TMEM135: variants seen among roughly 807,000 people sequenced by gnomAD.
TMEM135 encodes the protein transmembrane protein 135.
Under a neutral mutation model 60.3 loss-of-function variants are expected in TMEM135, and 30 were observed. The ratio of observed to expected loss-of-function variants is 0.50; its 90% CI spans 0.37 to 0.68. The LOEUF (loss-of-function observed/expected upper bound fraction) is 0.68. Ranked by LOEUF, TMEM135 falls within the 30% of genes least tolerant of loss-of-function variation. The pLI is 0.00. For synonymous variants in TMEM135, 190 were observed against 186.7 expected (o/e 1.02, Z -0.14); for missense variants, 468 against 548.8 (o/e 0.85, Z 1.47).
intron 6 of TMEM135, among the ~76,000 whole-genome samples, chr11:87,274,929 C>G (rs1337645687): frequency 6.6e-6 from 1 of 150,488 alleles, no homozygotes; most frequent in Non-Finnish European, 1.5e-5. Context: ...TTCTGAAGAA[C>G]TCTTTTTTCC....
At chr11:87,243,583 G>A (rs1344615634) in intron 6 of TMEM135, among the ~76,000 whole-genome samples, 5 of 82,778 alleles carry the variant, frequency 6.0e-5, no homozygotes, top group Middle Eastern at 0.012. Context: ...CTTGTAAGTT[G>A]GATTCCTAGG....
At chr11:87,305,387 G>A (rs1942521187) in intron 8 of TMEM135, among the ~76,000 whole-genome samples, 1 of 152,078 alleles carries the variant, frequency 6.6e-6, no homozygotes, top group Non-Finnish European at 1.5e-5. Flanking sequence ...TTTATACAAT[G>A]TGTCAAATGG....
At chr11:87,064,680 C>T (rs1368604158) in intron 1 of TMEM135, among the ~76,000 whole-genome samples, 1 of 152,150 alleles carries the variant, frequency 6.6e-6, no homozygotes, top group African/African-American at 2.4e-5. Context: ...ATCAGGAGTT[C>T]GAGACCAGCC....
intron 9 of TMEM135, among the ~76,000 whole-genome samples, 171 bp downstream of exon 9, chr11:87,306,176 G>A (rs1942539515): frequency 6.6e-6 from 1 of 152,120 alleles, no homozygotes; most frequent in Non-Finnish European, 1.5e-5. Flanking sequence ...TGACGATTTA[G>A]CTTTTAGTAT....
At chr11:87,202,480 C>A (rs995787679) in intron 5 of TMEM135, among the ~76,000 whole-genome samples, 1 of 152,058 alleles carries the variant, frequency 6.6e-6, no homozygotes, top group African/African-American at 2.4e-5. Flanking sequence ...CATGCCCTAC[C>A]GTGTCCGGTT....
At chr11:87,262,832 C>T (rs938308922) in intron 6 of TMEM135, among the ~76,000 whole-genome samples, 46 of 130,928 alleles carry the variant, frequency 3.5e-4, no homozygotes, top group African/African-American at 1.2e-3. Context: ...TTAACATTGT[C>T]TACAAAATAT....
chr11:87,166,844 A>G (rs1221275821), intron 5 of TMEM135, among the ~76,000 whole-genome samples: 2 of 152,032 alleles, frequency 1.3e-5, no homozygotes, highest in African/African-American at 4.8e-5. Flanking sequence ...CTGTGAAGAA[A>G]GTCAATGGTA....
At chr11:87,114,434 TA>T (rs758803955) in intron 4 of TMEM135, among the ~76,000 whole-genome samples, 7 of 152,102 alleles carry the variant, frequency 4.6e-5, no homozygotes, top group African/African-American at 7.2e-5. Context: ...GAAAAACAAT[TA>T]CAAGCTCCGT....
intron 1 of TMEM135, among the ~76,000 whole-genome samples, chr11:87,039,802 C>T (rs928872151): frequency 6.6e-5 from 10 of 152,208 alleles, no homozygotes; most frequent in African/African-American, 1.9e-4. Context: ...AAATCCATAG[C>T]ACTTTTCATT....
intron 5 of TMEM135, among the ~76,000 whole-genome samples, chr11:87,195,375 TTCCTTCCTTC>T (rs1939921271): frequency 9.1e-6 from 1 of 109,636 alleles, no homozygotes; most frequent in Non-Finnish European, 2.0e-5. Flanking sequence ...CCTTCCTTCC[TTCCTTCCTTC>T]CTTCCTTCTC....
chr11:87,286,877 A>G (rs752380931), intron 6 of TMEM135, among the ~76,000 whole-genome samples: 7 of 152,210 alleles, frequency 4.6e-5, no homozygotes, highest in Non-Finnish European at 7.3e-5. Context: ...TAACTCCAAC[A>G]TAAATGTTTA....
intron 4 of TMEM135, among the ~76,000 whole-genome samples, chr11:87,111,263 G>A (rs1457399244): frequency 6.6e-6 from 1 of 151,994 alleles, no homozygotes; most frequent in African/African-American, 2.4e-5. Flanking sequence ...ACATCTTTTA[G>A]TTATTTAATA....
intron 4 of TMEM135, among the ~76,000 whole-genome samples, chr11:87,143,089 C>G (rs1938310157): frequency 6.6e-6 from 1 of 152,016 alleles, no homozygotes; most frequent in African/African-American, 2.4e-5. Flanking sequence ...GCCATCTCAA[C>G]TATTCTGTTG....
chr11:87,043,978 C>G (rs915655365), intron 1 of TMEM135, among the ~76,000 whole-genome samples: 2 of 152,076 alleles, frequency 1.3e-5, no homozygotes, highest in South Asian at 4.1e-4. Context: ...GATTAAGGTA[C>G]TGGCATTTAC....
chr11:87,251,351 G>A (rs750317785), intron 6 of TMEM135, among the ~76,000 whole-genome samples: 136 of 152,252 alleles, frequency 8.9e-4, no homozygotes, highest in Non-Finnish European at 1.5e-3. Context: ...GTAAAGCAGA[G>A]GCCAGAGTAG....
At chr11:87,256,044 A>G (rs1399677496) in intron 6 of TMEM135, among the ~76,000 whole-genome samples, 1 of 152,198 alleles carries the variant, frequency 6.6e-6, no homozygotes, top group African/African-American at 2.4e-5. Flanking sequence ...CATTGACCTC[A>G]AGACCTGCCT....
At chr11:87,057,964 G>A (rs1262585729) in intron 1 of TMEM135, among the ~76,000 whole-genome samples, 1 of 152,164 alleles carries the variant, frequency 6.6e-6, no homozygotes, top group Non-Finnish European at 1.5e-5. Flanking sequence ...AGAGGACAAT[G>A]GTGTAAGTTC....
At chr11:87,137,091 A>G (rs188702797) in intron 4 of TMEM135, among the ~76,000 whole-genome samples, 4 of 152,182 alleles carry the variant, frequency 2.6e-5, no homozygotes, top group Admixed American at 1.3e-4. Flanking sequence ...ATCTGTGACT[A>G]TAGTTACGGA....
At chr11:87,060,193 T>C (rs1949933238) in intron 1 of TMEM135, among the ~76,000 whole-genome samples, 1 of 152,248 alleles carries the variant, frequency 6.6e-6, no homozygotes, top group Admixed American at 6.5e-5. Flanking sequence ...CTGGTTGTTG[T>C]CCAGTCTCTG....
Sources: gnomAD v4.1 joint callset for allele counts (sites outside exome capture counted in the v4.1 genomes callset) on GRCh38, gnomAD v4.1.1 for gene constraint, MANE v1.5 for transcripts, NCBI Gene and HGNC (gene_info 2026-07-23, HGNC 2026-07-21) for gene names.